Variants in MYOCD observed in about 807,000 individuals in gnomAD.
The protein encoded by MYOCD is myocardin.
A neutral mutation model predicts 96.1 loss-of-function variants in MYOCD; 32 were observed. That is an observed-to-expected ratio of 0.33 (90% CI 0.25 to 0.45). The LOEUF (loss-of-function observed/expected upper bound fraction) is 0.45. MYOCD is among the 20% of genes least tolerant of loss of function. The pLI, the probability that MYOCD is intolerant of heterozygous loss-of-function variation, is 1.00. For synonymous variants in MYOCD, 469 were observed against 469.0 expected, an observed-to-expected ratio of 1.00 and a Z score of 0.00; for missense variants, 1,133 against 1,200.6, an observed-to-expected ratio of 0.94 and a Z score of 0.83.
At chr17:12,695,968 C>T (rs1329936762) in intron 1 of MYOCD, among the ~76,000 whole-genome samples, 1 of 151,592 alleles carries the variant, frequency 6.6e-6, no homozygotes, top group Non-Finnish European at 1.5e-5. Context: ...TGGCTTATCT[C>T]ACTCAGCATC....
chr17:12,747,371 A>AAGAG (rs3050323), intron 9 of MYOCD, among the ~76,000 whole-genome samples: 101,503 of 151,564 alleles, frequency 0.67, 34,296 homozygotes, highest in East Asian at 0.89. Context: ...CAATGACAGA[A>AAGAG]GGAGAGTAGA....
At chr17:12,670,229 G>A (rs1488510694) in intron 1 of MYOCD, among the ~76,000 whole-genome samples, 1 of 152,108 alleles carries the variant, frequency 6.6e-6, no homozygotes, top group Non-Finnish European at 1.5e-5. Context: ...CAGGTAGTGG[G>A]ACCCACCCCA....
chr17:12,755,826 C>T (rs1469635175), intron 10 of MYOCD, among the ~76,000 whole-genome samples: 2 of 152,108 alleles, frequency 1.3e-5, no homozygotes, highest in East Asian at 3.9e-4. Context: ...GAGCCGAGAT[C>T]GCACCACTGC....
At chr17:12,727,824 A>G (rs1174601136) in intron 5 of MYOCD, among the ~76,000 whole-genome samples, 2 of 152,120 alleles carry the variant, frequency 1.3e-5, no homozygotes, top group African/African-American at 4.8e-5. Context: ...AGTCAGCTGG[A>G]TGAAAGCACC....
chr17:12,747,287 G>A (rs2032693606), intron 9 of MYOCD, among the ~76,000 whole-genome samples: 1 of 152,148 alleles, frequency 6.6e-6, no homozygotes, highest in Admixed American at 6.6e-5. Context: ...ATGGGCAGGA[G>A]AGAACGTGGC....
At chr17:12,692,375 T>C (rs1210162124) in intron 1 of MYOCD, among the ~76,000 whole-genome samples, 2 of 152,234 alleles carry the variant, frequency 1.3e-5, no homozygotes, top group Non-Finnish European at 2.9e-5. Context: ...TTGATAACCT[T>C]GTAGAGTTTA....
intron 1 of MYOCD, among the ~76,000 whole-genome samples, chr17:12,684,565 G>T (rs749011886): frequency 4.6e-5 from 7 of 152,224 alleles, no homozygotes; most frequent in African/African-American, 7.2e-5. Context: ...TCACAATGGT[G>T]ACCGGGTGCA....
rs960488832 is a variant in MYOCD, at chr17:12,666,039, G to A, written c.-150G>A. 5.1e-6 allele frequency: 3 copies of A among 584,892 alleles called. No individual in the cohort carries two copies. Among genetic ancestry groups the A allele is most frequent in the African/African-American group, 1.9e-5 (1 of 52,734 alleles). The allele number at this position is 584,892 out of a possible 1,614,324, so 36.2% of individuals were successfully genotyped here. ...AGGCGCCAGTTTTCTGGGGACACTG[G>A]CTGCCACTGTACTCCTACCCAGGGG... On this transcript the variant is annotated 5_prime_UTR_variant, in exon 1 of 14. Coordinates refer to ENST00000425538, the MANE Select transcript of MYOCD (RefSeq NM_001146312.3).
At chr17:12,735,080 C>T (rs2032302801) in intron 5 of MYOCD, among the ~76,000 whole-genome samples, 2 of 152,178 alleles carry the variant, frequency 1.3e-5, no homozygotes, top group Admixed American at 1.3e-4. Context: ...AGCCCAAAGC[C>T]ACATTTGTTC....
intron 9 of MYOCD, among the ~76,000 whole-genome samples, chr17:12,751,011 C>G (rs2032839092): frequency 6.6e-6 from 1 of 152,036 alleles, no homozygotes; most frequent in African/African-American, 2.4e-5. Flanking sequence ...TGTATTTGCG[C>G]TTTGTAGTTT....
At chr17:12,735,491 T>C (rs1208345520) in intron 5 of MYOCD, among the ~76,000 whole-genome samples, 1 of 151,920 alleles carries the variant, frequency 6.6e-6, no homozygotes, top group South Asian at 2.1e-4. Flanking sequence ...CACAAAGATA[T>C]GAGGAATACA....
At chr17:12,696,779 G>A (rs1036672936) in intron 1 of MYOCD, among the ~76,000 whole-genome samples, 9 of 152,146 alleles carry the variant, frequency 5.9e-5, no homozygotes, top group South Asian at 2.1e-4. Flanking sequence ...CAGATTAGGC[G>A]ATTCTTGATT....
chr17:12,677,627 G>A (rs966338569), intron 1 of MYOCD, among the ~76,000 whole-genome samples: 1 of 151,460 alleles, frequency 6.6e-6, no homozygotes, highest in African/African-American at 2.4e-5. Flanking sequence ...CAGGAGAATG[G>A]TGTGAACCCA....
At chr17:12,667,721 T>A (rs1215640443) in intron 1 of MYOCD, among the ~76,000 whole-genome samples, 1 of 152,170 alleles carries the variant, frequency 6.6e-6, no homozygotes, top group Non-Finnish European at 1.5e-5. Flanking sequence ...CAATCCCTCC[T>A]TCAGCTAAAG....
At chr17:12,718,909 C>T (rs549298239) in intron 4 of MYOCD, among the ~76,000 whole-genome samples, 4 of 151,920 alleles carry the variant, frequency 2.6e-5, no homozygotes, top group Non-Finnish European at 5.9e-5. Context: ...TGTGGTGGCT[C>T]ACGCCTGTAA....
chr17:12,733,235 G>A lies in MYOCD; in HGVS notation c.416-2926G>A, dbSNP rs578134373. Among the ~76,000 whole-genome samples the A allele has an allele frequency of 7.3e-5, 11 of 151,676 alleles. 1 individual carries two copies. The highest frequency in any genetic ancestry group is 4.6e-4 in the Admixed American group (7 of 15,216). ...TGAGACAGGAGAATTACTTGAACCC[G>A]GGAGGTGGAGGTTGCAGTGAGTCGA... is the stretch of plus-strand genomic sequence containing the variant. On this transcript the variant is annotated intron_variant, in intron 5 of 13. Transcript: ENST00000425538.
chr17:12,698,989 G>A lies in MYOCD; in HGVS notation c.56-6139G>A, dbSNP rs561389350. Among the ~76,000 whole-genome samples the A allele has an allele frequency of 2.5e-3, 373 of 151,830 alleles. 2 individuals carry two copies. The highest frequency in any genetic ancestry group is 8.1e-3 in the African/African-American group (337 of 41,430). On this transcript the variant is annotated intron_variant, in intron 1 of 13. Transcript: ENST00000425538. ...GATCTCCTGACCTCATGATCTGCCC[G>A]CCTCGGCCTCCCAAAGTGCTGGGAT...
intron 9 of MYOCD, among the ~76,000 whole-genome samples, chr17:12,751,667 TTCC>T (rs1382724570): frequency 6.6e-6 from 1 of 152,234 alleles, no homozygotes; most frequent in Non-Finnish European, 1.5e-5. Flanking sequence ...TAAGCATTAT[TTCC>T]TCCATTTCCC....
intron 1 of MYOCD, among the ~76,000 whole-genome samples, chr17:12,681,962 T>G (rs1189500230): frequency 6.6e-6 from 1 of 152,184 alleles, no homozygotes; most frequent in Non-Finnish European, 1.5e-5. Context: ...CATTGGTACC[T>G]GGAATCAGAA....
Sources: gnomAD v4.1 joint callset for allele counts (sites outside exome capture counted in the v4.1 genomes callset) on GRCh38, gnomAD v4.1.1 for gene constraint, MANE v1.5 for transcripts, NCBI Gene and HGNC (gene_info 2026-07-23, HGNC 2026-07-21) for gene names.